Variants in VTI1A observed in about 807,000 individuals in gnomAD.
VTI1A encodes vesicle transport through interaction with t-SNAREs 1A.
Under a neutral mutation model 34.9 loss-of-function variants are expected in VTI1A, and 22 were observed. That is an observed-to-expected ratio of 0.63 (90% CI 0.45 to 0.90). VTI1A has a LOEUF of 0.90. VTI1A is among the 40% of genes least tolerant of loss of function. The pLI is 0.00. For synonymous variants in VTI1A, 87 were observed against 97.3 expected, an observed-to-expected ratio of 0.89 and a Z score of 0.62; for missense variants, 268 against 275.6, an observed-to-expected ratio of 0.97 and a Z score of 0.20.
intron 3 of VTI1A, among the ~76,000 whole-genome samples, chr10:112,466,133 C>T (rs989259884): frequency 1.2e-4 from 19 of 152,138 alleles, no homozygotes; most frequent in African/African-American, 4.6e-4. Context: ...ATTTCTGAAT[C>T]TGGGGCCCAA....
chr10:112,535,936 T>C (rs1850601122), intron 4 of VTI1A, among the ~76,000 whole-genome samples: 1 of 152,228 alleles, frequency 6.6e-6, no homozygotes, highest in African/African-American at 2.4e-5. Flanking sequence ...GCTGATAAAC[T>C]GATAGTCCTC....
intron 7 of VTI1A, among the ~76,000 whole-genome samples, chr10:112,802,928 A>G (rs1852925814): frequency 6.6e-6 from 1 of 152,210 alleles, no homozygotes; most frequent in Admixed American, 6.5e-5. Flanking sequence ...TCTCAGAGAA[A>G]AGAGCAGCCT....
intron 7 of VTI1A, among the ~76,000 whole-genome samples, chr10:112,720,957 T>TA (rs34722200): frequency 0.023 from 3,400 of 148,318 alleles, 110 homozygotes; most frequent in African/African-American, 0.075. Flanking sequence ...CTCACTGATT[T>TA]AAAAAAAAAA....
rs35475815 is a variant in VTI1A at position 112,474,458 on chromosome 10, C to CTTT, written c.264+9814_264+9816dup. Among the ~76,000 whole-genome samples the CTTT allele has an allele frequency of 9.3e-4, 132 of 142,082 alleles. 1 individual carries two copies. The highest frequency in any genetic ancestry group is 3.3e-3 in the African/African-American group (127 of 39,076). The allele number at this position is 142,082 out of a possible 152,430, so 93.2% of individuals were successfully genotyped here. On this transcript the variant is annotated intron_variant, in intron 3 of 7. Transcript: ENST00000393077. Reference sequence around the variant, plus strand: ...TTCATTTTCTTTTCTTCATTCTTTCCTTTTTTTTTTTTTTTAAGACAGGGC... The same window carrying CTTT: ...TTCATTTTCTTTTCTTCATTCTTTCCTTTTTTTTTTTTTTTTTTAAGACAGGGC...
At chr10:112,847,756 C>A in the VTI1A span, among the ~76,000 whole-genome samples, 1 of 152,194 alleles carries the variant, frequency 6.6e-6, no homozygotes, top group Admixed American at 6.5e-5. Flanking sequence ...ATTCACCATG[C>A]CAAATGAGAT....
intron 7 of VTI1A, among the ~76,000 whole-genome samples, chr10:112,787,332 CT>C (rs1383104198): frequency 6.6e-6 from 1 of 151,900 alleles, no homozygotes; most frequent in African/African-American, 2.4e-5. Flanking sequence ...TTTTGTTGAT[CT>C]TTTTGAGCCA....
At chr10:112,548,423 C>T (rs758144972) in intron 5 of VTI1A, among the ~76,000 whole-genome samples, 1 of 151,856 alleles carries the variant, frequency 6.6e-6, no homozygotes, top group African/African-American at 2.4e-5. Flanking sequence ...AACTGCCACA[C>T]GCAAAAAAGA....
chr10:112,587,509 A>G (rs1844206827), intron 5 of VTI1A, among the ~76,000 whole-genome samples: 1 of 152,318 alleles, frequency 6.6e-6, no homozygotes, highest in South Asian at 2.1e-4. Flanking sequence ...AAAAGGAGAG[A>G]AAGATAATAA....
chr10:112,613,085 T>C (rs1401776531), intron 5 of VTI1A, among the ~76,000 whole-genome samples: 1 of 152,206 alleles, frequency 6.6e-6, no homozygotes, highest in African/African-American at 2.4e-5. Context: ...ATATTACTCT[T>C]TCTAATAAAG....
At chr10:112,618,502 T>TAG (rs1845591580) in intron 5 of VTI1A, among the ~76,000 whole-genome samples, 9 of 42,878 alleles carry the variant, frequency 2.1e-4, no homozygotes, top group Non-Finnish European at 3.7e-4. Flanking sequence ...TATATATATA[T>TAG]ATATATATAT....
chr10:112,607,795 C>G (rs1845141020), intron 5 of VTI1A, among the ~76,000 whole-genome samples: 1 of 152,136 alleles, frequency 6.6e-6, no homozygotes, highest in African/African-American at 2.4e-5. Flanking sequence ...TAAGCTCACT[C>G]AAATTGCTGC....
chr10:112,842,069 T>C, the VTI1A span, among the ~76,000 whole-genome samples: 2 of 137,802 alleles, frequency 1.5e-5, no homozygotes, highest in African/African-American at 5.5e-5. Context: ...TTTTTTTTTT[T>C]TTTTTTTTTT....
At chr10:112,463,973 G>A (rs1847814076) in intron 2 of VTI1A, among the ~76,000 whole-genome samples, 1 of 152,114 alleles carries the variant, frequency 6.6e-6, no homozygotes, top group South Asian at 2.1e-4. Flanking sequence ...AATAACGTTT[G>A]GGTTAATGTG....
At chr10:112,580,987 A>G (rs1337067630) in intron 5 of VTI1A, among the ~76,000 whole-genome samples, 3 of 152,190 alleles carry the variant, frequency 2.0e-5, no homozygotes, top group African/African-American at 4.8e-5. Flanking sequence ...ACCTACTAGC[A>G]TTTATACACC....
chr10:112,630,330 CCCTAG>C (rs1846081872), intron 5 of VTI1A, among the ~76,000 whole-genome samples: 1 of 152,174 alleles, frequency 6.6e-6, no homozygotes, highest in Non-Finnish European at 1.5e-5. Context: ...GAAAGAAAAT[CCCTAG>C]CCTGGGTTGG....
intron 5 of VTI1A, among the ~76,000 whole-genome samples, chr10:112,642,657 G>T (rs1846617296): frequency 6.6e-6 from 1 of 152,066 alleles, no homozygotes; most frequent in Non-Finnish European, 1.5e-5. Context: ...TACCATTTGT[G>T]AGGCATTGTA....
intron 5 of VTI1A, among the ~76,000 whole-genome samples, chr10:112,550,698 T>C (rs774772797): frequency 2.0e-5 from 3 of 152,194 alleles, no homozygotes; most frequent in Non-Finnish European, 2.9e-5. Context: ...GGCACTGTGT[T>C]GCCCTTCTGT....
chr10:112,460,411 A>G (rs1318742052), intron 1 of VTI1A, 113 bp from the exon 2 acceptor site: 13 of 912,562 alleles, frequency 1.4e-5, no homozygotes, highest in African/African-American at 3.4e-5. Flanking sequence ...CTTTTGCCTT[A>G]TGTTCTGTAA....
At chr10:112,454,768 AATAC>A (rs1847372688) in intron 1 of VTI1A, among the ~76,000 whole-genome samples, 1 of 151,960 alleles carries the variant, frequency 6.6e-6, no homozygotes, top group Non-Finnish European at 1.5e-5. Context: ...TATTTTATAT[AATAC>A]ATATAGCAGT....
Sources: gnomAD v4.1 joint callset for allele counts (sites outside exome capture counted in the v4.1 genomes callset) on GRCh38, gnomAD v4.1.1 for gene constraint, MANE v1.5 for transcripts, NCBI Gene and HGNC (gene_info 2026-07-23, HGNC 2026-07-21) for gene names.